The following EGLN1 variants were observed in gnomAD, a reference collection of about 807,000 sequenced individuals.
EGLN1 encodes egl nine homolog 1.
Under a neutral mutation model 38.3 loss-of-function variants are expected in EGLN1, and 17 were observed. That is an observed-to-expected ratio of 0.44 (90% CI 0.30 to 0.67). The LOEUF is 0.67. Ranked by LOEUF, EGLN1 falls within the 30% of genes least tolerant of loss-of-function variation. The probability of loss-of-function intolerance (pLI) is 0.08; values close to 1 mark genes in which losing one functional copy is unlikely to be tolerated. For synonymous variants in EGLN1, 283 were observed against 257.5 expected (o/e 1.10, Z -0.95); for missense variants, 477 against 603.3 (o/e 0.79, Z 2.19).
At chr1:231,399,309 A>T (rs1308720212) in intron 1 of EGLN1, among the ~76,000 whole-genome samples, 1 of 152,200 alleles carries the variant, frequency 6.6e-6, no homozygotes, top group Non-Finnish European at 1.5e-5. Context: ...CAGATTAGAA[A>T]TCTAAGTTTG....
At chr1:231,391,083 GTTTTTTTTTTGT>G (rs561053868) in intron 1 of EGLN1, among the ~76,000 whole-genome samples, 2,909 of 49,688 alleles carry the variant, frequency 0.059, 85 homozygotes, top group South Asian at 0.083. Flanking sequence ...AACTCATTCT[GTTTTTTTTTTGT>G]GTGTGTGTGT....
chr1:231,392,277 ACT>A (rs746095997), intron 1 of EGLN1, among the ~76,000 whole-genome samples: 39 of 152,184 alleles, frequency 2.6e-4, no homozygotes, highest in Admixed American at 7.9e-4. Flanking sequence ...ACAGAGCGAG[ACT>A]CTGTCTCAAA....
chr1:231,411,382 T>C (rs919046584), intron 1 of EGLN1, among the ~76,000 whole-genome samples: 5 of 152,226 alleles, frequency 3.3e-5, no homozygotes, highest in African/African-American at 1.2e-4. Flanking sequence ...CTTTTCTTTA[T>C]AAATTACCCA....
chr1:231,377,064 A>G (rs190876799), intron 1 of EGLN1, among the ~76,000 whole-genome samples: 16 of 152,348 alleles, frequency 1.1e-4, no homozygotes, highest in African/African-American at 3.8e-4. Flanking sequence ...TGTTTTGAGA[A>G]TATCAGTTTC....
intron 1 of EGLN1, among the ~76,000 whole-genome samples, chr1:231,414,920 G>C (rs1458311172): frequency 2.0e-5 from 3 of 151,798 alleles, no homozygotes; most frequent in Admixed American, 2.0e-4. Context: ...ATTGTTTTTA[G>C]AGATGGGTTT....
intron 1 of EGLN1, among the ~76,000 whole-genome samples, chr1:231,402,994 C>A (rs759313378): frequency 4.2e-4 from 63 of 151,198 alleles, no homozygotes; most frequent in Non-Finnish European, 6.3e-4. Context: ...TCTATTTCTT[C>A]TTTGACCCAT....
At chr1:231,383,437 C>A (rs1218307502) in intron 1 of EGLN1, among the ~76,000 whole-genome samples, 1 of 152,154 alleles carries the variant, frequency 6.6e-6, no homozygotes, top group African/African-American at 2.4e-5. Flanking sequence ...AGTACCCAGA[C>A]AGCAAAGACA....
intron 1 of EGLN1, among the ~76,000 whole-genome samples, chr1:231,415,091 C>T (rs1036949787): frequency 2.0e-5 from 3 of 151,840 alleles, no homozygotes; most frequent in Non-Finnish European, 4.4e-5. Flanking sequence ...GACAACATAA[C>T]GAGATCCCGT....
intron 1 of EGLN1, among the ~76,000 whole-genome samples, chr1:231,412,215 TC>T (rs1431405832): frequency 6.6e-6 from 1 of 152,212 alleles, no homozygotes; most frequent in African/African-American, 2.4e-5. Flanking sequence ...TCAGTAACTT[TC>T]TTCTTCTTCA....
intron 1 of EGLN1, among the ~76,000 whole-genome samples, chr1:231,411,250 G>C (rs1356044787): frequency 6.6e-6 from 1 of 152,056 alleles, no homozygotes; most frequent in Non-Finnish European, 1.5e-5. Flanking sequence ...AAAAGTGTTT[G>C]ACAATTCTCC....
At position 231,372,060 on chromosome 1, in the gene EGLN1, T is replaced by TC. The variant is rs749443829; in HGVS notation, c.1012-1363dup. 2.0e-5 allele frequency among the ~76,000 whole-genome samples: 3 copies of TC among 152,180 alleles called. No individual in the cohort carries two copies. In the East Asian group the frequency reaches 5.8e-4, roughly 29 times the overall value. On this transcript the variant is annotated intron_variant, in intron 2 of 4. Coordinates refer to ENST00000366641, the MANE Select transcript of EGLN1 (RefSeq NM_022051.3). ...CTTCTTTCCTTTTTTCCTGCTCCCT[T>TC]CCCTTTGACTCAAGTCATTGGGAGT...
chr1:231,367,701 C>T, intron 3 of EGLN1, 65 bp from the exon 4 acceptor site: 1 of 1,452,570 alleles, frequency 6.9e-7, no homozygotes, highest in Non-Finnish European at 9.6e-7. Flanking sequence ...TATTTTGCTG[C>T]AATGGTATAT....
At chr1:231,387,360 A>AT (rs1464252140) in intron 1 of EGLN1, among the ~76,000 whole-genome samples, 8,278 of 135,900 alleles carry the variant, frequency 0.061, 328 homozygotes, top group Non-Finnish European at 0.07. Context: ...TATTTTTTTA[A>AT]TTTTTTTTTT....
In EGLN1 at chr1:231,421,984, T is replaced by G. The variant is rs913487184; in HGVS notation, c.-96A>C. ...CGAGGCTGGGGAGCGGGGAGAGAGATAGGGGCCGTTACTGCGCCATGCACC... is the reference window on the plus strand; with the variant it reads ...CGAGGCTGGGGAGCGGGGAGAGAGAGAGGGGCCGTTACTGCGCCATGCACC... On this transcript the variant is annotated 5_prime_UTR_variant, in exon 1 of 5. Coordinates refer to ENST00000366641, the MANE Select transcript of EGLN1 (RefSeq NM_022051.3). The surrounding 1 kb of genome is among the most constrained non-coding windows in gnomAD (Gnocchi z 5.5). The G allele has an allele frequency of 3.0e-5, 38 of 1,260,816 alleles. No individual in the cohort carries two copies. The highest frequency in any genetic ancestry group is 6.4e-5 in the African/African-American group (4 of 62,846). The allele number at this position is 1,260,816 out of a possible 1,614,324, so 78.1% of individuals were successfully genotyped here.
intron 1 of EGLN1, among the ~76,000 whole-genome samples, chr1:231,408,800 G>T (rs548847436): frequency 6.6e-6 from 1 of 152,172 alleles, no homozygotes; most frequent in South Asian, 2.1e-4. Context: ...CAAAGTTGTA[G>T]CTCTGCTTAG....
At chr1:231,394,027 GA>G (rs1297142662) in intron 1 of EGLN1, among the ~76,000 whole-genome samples, 2 of 152,158 alleles carry the variant, frequency 1.3e-5, no homozygotes, top group African/African-American at 4.8e-5. Flanking sequence ...CTTGCAAGGA[GA>G]ACTCCAATCC....
chr1:231,371,628 T>C (rs988160620), intron 2 of EGLN1, among the ~76,000 whole-genome samples: 2 of 152,194 alleles, frequency 1.3e-5, no homozygotes, highest in African/African-American at 4.8e-5. Context: ...AGGATTATTA[T>C]TTACCTAAAC....
chr1:231,415,625 A>G (rs1219759806), intron 1 of EGLN1, among the ~76,000 whole-genome samples: 1 of 152,214 alleles, frequency 6.6e-6, no homozygotes, highest in Non-Finnish European at 1.5e-5. Context: ...AGTTAAGAAC[A>G]GTTCTGCATA....
At chr1:231,371,666 A>T (rs1268749307) in intron 2 of EGLN1, among the ~76,000 whole-genome samples, 2 of 152,198 alleles carry the variant, frequency 1.3e-5, no homozygotes, top group Non-Finnish European at 2.9e-5. Context: ...TCGCACTGGG[A>T]ACTGTGGTGG....
Sources: allele counts gnomAD v4.1 joint callset (sites outside exome capture counted in the v4.1 genomes callset), GRCh38; gene constraint gnomAD v4.1.1; non-coding constraint Gnocchi (gnomAD v3.1); transcripts MANE v1.5; gene names NCBI Gene and HGNC (gene_info 2026-07-23, HGNC 2026-07-21).